Variants in MED14 observed in about 807,000 individuals in gnomAD.
The protein encoded by MED14 is mediator complex subunit 14.
In MED14, 8 loss-of-function variants were observed where a neutral mutation model predicts 109.0. That is an observed-to-expected ratio of 0.07 (90% CI 0.04 to 0.13). The LOEUF (loss-of-function observed/expected upper bound fraction) is 0.13. MED14 is among the 10% of genes least tolerant of loss of function. MED14 has a pLI of 1.00. For synonymous variants in MED14, 399 were observed against 408.7 expected, an observed-to-expected ratio of 0.98 and a Z score of 0.29; for missense variants, 711 against 1,142.4, an observed-to-expected ratio of 0.62 and a Z score of 5.44.
intron 19 of MED14, 120 bp downstream of exon 19, chrX:40,681,732 C>A: frequency 2.5e-6 from 1 of 405,515 alleles, no homozygotes; most frequent in African/African-American, 2.6e-5. Context: ...TTAAAATTTA[C>A]CATTTTATCC....
rs1012927612 is a variant in MED14, at chrX:40,650,712, C to T, written c.*1094G>A. Reference sequence around the variant, plus strand: ...GATTCTTCACAATGAGGGGAATGGACCAGGTTTCTTCCAAGCAAAACATTC... The same window carrying T: ...GATTCTTCACAATGAGGGGAATGGATCAGGTTTCTTCCAAGCAAAACATTC... On this transcript the variant is annotated 3_prime_UTR_variant, in exon 31 of 31. Transcript: ENST00000324817. The T allele has an allele frequency of 5.3e-6, 4 of 752,357 alleles. No individual in the cohort carries two copies. In the African/African-American group the frequency reaches 9.3e-5, roughly 17 times the overall value. The allele number at this position is 752,357 out of a possible 1,213,427, so 62.0% of individuals were successfully genotyped here.
At chrX:40,709,101 C>T (rs769527739) in intron 10 of MED14, among the ~76,000 whole-genome samples, 2 of 111,316 alleles carry the variant, frequency 1.8e-5, no homozygotes, top group African/African-American at 6.5e-5. Flanking sequence ...AGCCACCATG[C>T]CCAGCCCCAT....
chrX:40,700,619 T>TA lies in MED14; in HGVS notation c.1490+545dup, dbSNP rs1404257558. Among the ~76,000 whole-genome samples the TA allele has an allele frequency of 3.6e-5, 4 of 110,896 alleles. No homozygotes were observed. In the Admixed American group the frequency reaches 3.9e-4, roughly 11 times the overall value. ...CTATTAATTTTAAGAAAGAGTTTGT[T>TA]AGAGTTGCTATAAGGGTACCTTTGT... On this transcript the variant is annotated intron_variant, in intron 12 of 30. Coordinates refer to ENST00000324817, the MANE Select transcript of MED14 (RefSeq NM_004229.4).
chrX:40,714,632 C>T lies in MED14; in HGVS notation c.427G>A (p.Ala143Thr). The change falls in exon 4 of 31, where the codon GCT becomes ACT. Residue 143 changes from alanine (A) to threonine (T), a missense_variant. This residue lies in a region of MED14 where 31 missense variants were observed against 79.3 expected (regional missense o/e 0.39). Coordinates refer to ENST00000324817, the MANE Select transcript of MED14 (RefSeq NM_004229.4). Reference protein sequence around the residue: ...ADRLASLARDALVHARLPSFA... With the variant: ...ADRLASLARDTLVHARLPSFA... ...CTAGGCAGGCGTGCATGGACCAGAG[C>T]ATCTCTAGCTAACGAGGCCAGGCGA... 3 of 1,211,459 alleles carry T rather than the reference C, an allele frequency of 2.5e-6. No individual in the cohort carries two copies. Among genetic ancestry groups the T allele is most frequent in the Non-Finnish European group, 3.4e-6 (3 of 895,228 alleles).
chrX:40,667,916 G>GT (rs1425167446), intron 23 of MED14, among the ~76,000 whole-genome samples: 64 of 111,515 alleles, frequency 5.7e-4, no homozygotes, highest in African/African-American at 2.1e-3. Context: ...ATGACTCGAA[G>GT]AGCTTCGGCC....
chrX:40,676,263 G>A (rs751490305), intron 21 of MED14, among the ~76,000 whole-genome samples: 2 of 111,834 alleles, frequency 1.8e-5, no homozygotes, highest in Admixed American at 9.5e-5. Flanking sequence ...CAGCCTGGGC[G>A]ACAGAGTGAG....
chrX:40,731,714 T>C (rs1355206313), intron 1 of MED14, among the ~76,000 whole-genome samples: 1 of 112,473 alleles, frequency 8.9e-6, no homozygotes, highest in African/African-American at 3.2e-5. Flanking sequence ...ATTTGTTTTT[T>C]CTTTATGCTG....
At chrX:40,718,504 A>G in intron 3 of MED14, among the ~76,000 whole-genome samples, 1 of 112,558 alleles carries the variant, frequency 8.9e-6, no homozygotes, top group Non-Finnish European at 1.9e-5. Flanking sequence ...CACTAGCTTC[A>G]GCTACATTCC....
intron 26 of MED14, among the ~76,000 whole-genome samples, chrX:40,661,712 C>G: frequency 8.9e-6 from 1 of 112,182 alleles, no homozygotes; most frequent in Admixed American, 9.4e-5. Flanking sequence ...GTATGGCTGG[C>G]TACAAACCCA....
intron 21 of MED14, among the ~76,000 whole-genome samples, chrX:40,675,941 G>A (rs1929894707): frequency 8.9e-6 from 1 of 111,968 alleles, no homozygotes; most frequent in Non-Finnish European, 1.9e-5. Flanking sequence ...CACATCCCCA[G>A]TATTCGAATA....
At chrX:40,664,734 A>G (rs1356039234) in intron 24 of MED14, among the ~76,000 whole-genome samples, 1 of 112,156 alleles carries the variant, frequency 8.9e-6, no homozygotes, top group Non-Finnish European at 1.9e-5. Context: ...CCTTCACACA[A>G]GCTTCAATGT....
At chrX:40,659,365 C>T in intron 27 of MED14, 31 bp from the exon 28 acceptor site, 2 of 1,172,975 alleles carry the variant, frequency 1.7e-6, no homozygotes, top group Middle Eastern at 2.4e-4. Flanking sequence ...AGTTACTCTT[C>T]ATTCTACATT....
intron 18 of MED14, 103 bp downstream of exon 18, chrX:40,682,495 CTTTGA>C: frequency 1.6e-6 from 1 of 621,179 alleles, no homozygotes. Flanking sequence ...ATTAGATATA[CTTTGA>C]TTTTTTTGCT....
rs890233842 is a variant in MED14 at position 40,650,055 on chromosome X, G to T, written c.*1751C>A. The T allele has an allele frequency of 2.3e-5, 17 of 749,061 alleles. No individual in the cohort carries two copies. The African/African-American group carries it at 3.9e-4, about 17-fold the overall frequency. The allele number at this position is 749,061 out of a possible 1,213,427, so 61.7% of individuals were successfully genotyped here. ...AAAAATACATTTCTTGTATATACAT[G>T]TAGATTTCTACATGAAAGAAAAGAT... On this transcript the variant is annotated 3_prime_UTR_variant, in exon 31 of 31. Coordinates refer to ENST00000324817, the MANE Select transcript of MED14 (RefSeq NM_004229.4).
Position 40,654,530 on chromosome X carries a change from G to A in MED14, c.4125C>T (p.Val1375=), listed in dbSNP as rs865802470. The A allele has an allele frequency of 1.7e-6, 2 of 1,210,958 alleles. No homozygotes were observed. The highest frequency in any genetic ancestry group is 2.2e-6 in the Non-Finnish European group (2 of 895,139). ...FFLQLTQKTS[V]PPQEPVSIIV... is the part of the protein sequence containing the mutation. The stretch of plus-strand genomic sequence containing the variant: ...TAATACTAACAGGTTCTTGGGGAGG[G>A]ACCGATGTTTTCTGAGTTAGTTGAA... The change falls in exon 30 of 31, where the codon GTC becomes GTT. Residue 1375 remains valine, a synonymous_variant. Transcript: ENST00000324817.
chrX:40,695,826 G>A (rs1227093232), intron 13 of MED14, among the ~76,000 whole-genome samples: 1 of 112,248 alleles, frequency 8.9e-6, no homozygotes. Flanking sequence ...CCGAGCTTAA[G>A]ATATGTCAGC....
chrX:40,708,646 C>T (rs966357911), intron 10 of MED14, among the ~76,000 whole-genome samples: 1 of 111,761 alleles, frequency 8.9e-6, no homozygotes, highest in African/African-American at 3.3e-5. Flanking sequence ...GTAAATATGC[C>T]CATTATGATG....
At position 40,692,695 on chromosome X, in the gene MED14, T is replaced by A; in HGVS notation, c.1845+13A>T. ...CACACAAATTCTGTGCTCATTTTCA[T>A]ATGGAATCATACCTTGCGCTTGGCA... On this transcript the variant is annotated intron_variant, in intron 14 of 30. Coordinates refer to ENST00000324817, the MANE Select transcript of MED14 (RefSeq NM_004229.4). 8.4e-7 allele frequency: 1 copy of A among 1,189,034 alleles called. No individual in the cohort carries two copies. Among genetic ancestry groups the A allele is most frequent in the Non-Finnish European group, 1.1e-6 (1 of 887,535 alleles).
At chrX:40,665,983 G>A (rs943591376) in intron 24 of MED14, among the ~76,000 whole-genome samples, 2 of 111,928 alleles carry the variant, frequency 1.8e-5, no homozygotes, top group South Asian at 7.4e-4. Context: ...TTTTAATGAC[G>A]GAAATGTTCC....
Sources: gnomAD v4.1 joint callset for allele counts (sites outside exome capture counted in the v4.1 genomes callset) on GRCh38, gnomAD v4.1.1 for gene constraint, gnomAD v4.1.1 regional missense constraint, MANE v1.5 for transcripts, NCBI Gene and HGNC (gene_info 2026-07-23, HGNC 2026-07-21) for gene names.